WWOX: variants seen among roughly 807,000 people sequenced by gnomAD.
The protein encoded by WWOX is WW domain-containing oxidoreductase.
WWOX carries 69 observed loss-of-function variants against 46.2 expected under a neutral mutation model. The ratio of observed to expected loss-of-function variants is 1.49; its 90% confidence interval spans 1.23 to 1.82. The LOEUF (loss-of-function observed/expected upper bound fraction) is 1.82. Ranked by LOEUF, WWOX falls within the 40% of genes most tolerant of loss-of-function variation. The pLI, the probability that WWOX is intolerant of heterozygous loss-of-function variation, is 0.00. For synonymous variants in WWOX, 359 were observed against 202.6 expected, an observed-to-expected ratio of 1.77 and a Z score of -6.56; for missense variants, 919 against 542.6, an observed-to-expected ratio of 1.69 and a Z score of -6.89.
intron 8 of WWOX, among the ~76,000 whole-genome samples, chr16:78,621,227 C>T (rs928208676): frequency 6.6e-6 from 1 of 152,154 alleles, no homozygotes; most frequent in African/African-American, 2.4e-5. Flanking sequence ...ATAAGGCTGC[C>T]AAGCTCGGTG....
At chr16:79,210,848 G>A (rs1288793011) in intron 8 of WWOX, among the ~76,000 whole-genome samples, 1 of 152,166 alleles carries the variant, frequency 6.6e-6, no homozygotes, top group Non-Finnish European at 1.5e-5. Context: ...CTCAAAAGGT[G>A]AATGAAAGTG....
intron 8 of WWOX, among the ~76,000 whole-genome samples, chr16:78,884,077 A>G (rs2044400173): frequency 6.6e-6 from 1 of 151,976 alleles, no homozygotes; most frequent in South Asian, 2.1e-4. Flanking sequence ...CCGGGAGTTC[A>G]AGACCAGCTG....
At chr16:78,500,401 C>CTTCT (rs112162641) in intron 8 of WWOX, among the ~76,000 whole-genome samples, 136,550 of 151,330 alleles carry the variant, frequency 0.9, 62,211 homozygotes, top group Non-Finnish European at 0.97. Flanking sequence ...TCCTCCTTTT[C>CTTCT]TTCTTTCCTT....
intron 8 of WWOX, among the ~76,000 whole-genome samples, chr16:78,539,818 G>C (rs1028650270): frequency 1.1e-4 from 17 of 152,074 alleles, no homozygotes; most frequent in African/African-American, 9.7e-5. Flanking sequence ...TTTGATGCTG[G>C]GAATGCGTTC....
At chr16:78,557,802 TCTC>T (rs1295885018) in intron 8 of WWOX, among the ~76,000 whole-genome samples, 8 of 150,534 alleles carry the variant, frequency 5.3e-5, no homozygotes, top group African/African-American at 2.0e-4. Flanking sequence ...TTCAAACAAT[TCTC>T]CTACGTCAGC....
intron 8 of WWOX, among the ~76,000 whole-genome samples, chr16:78,942,688 C>T (rs1054342827): frequency 6.6e-6 from 1 of 152,140 alleles, no homozygotes; most frequent in Non-Finnish European, 1.5e-5. Flanking sequence ...CTAATGAGGA[C>T]CTTGAACTTA....
rs183364322 is a variant in WWOX at position 78,227,047 on chromosome 16, G to A, written c.516+62758G>A. On this transcript the variant is annotated intron_variant, in intron 5 of 8. Transcript: ENST00000566780. ...TTTACTTCTTTAGTTCACAATGCCA[G>A]TGGTTCAGCTTCCCGTTCTGATCCT... 2.1e-4 allele frequency among the ~76,000 whole-genome samples: 32 copies of A among 152,326 alleles called. No individual in the cohort carries two copies. The East Asian group carries it at 6.0e-3, about 28-fold the overall frequency.
At chr16:78,534,160 C>T (rs559262538) in intron 8 of WWOX, among the ~76,000 whole-genome samples, 2 of 152,126 alleles carry the variant, frequency 1.3e-5, no homozygotes, top group Non-Finnish European at 2.9e-5. Flanking sequence ...GTGTGGACAT[C>T]CTCGATGTAT....
chr16:78,608,450 G>A (rs1397862466), intron 8 of WWOX, among the ~76,000 whole-genome samples: 1 of 152,230 alleles, frequency 6.6e-6, no homozygotes. Context: ...CAGAGTGGAA[G>A]TTGCCTTATA....
At chr16:79,133,217 A>G (rs1288820461) in intron 8 of WWOX, among the ~76,000 whole-genome samples, 1 of 152,180 alleles carries the variant, frequency 6.6e-6, no homozygotes, top group African/African-American at 2.4e-5. Context: ...TATTGATCTA[A>G]TGAAACGCAT....
At chr16:78,735,874 G>T (rs910100185) in intron 8 of WWOX, among the ~76,000 whole-genome samples, 3 of 152,196 alleles carry the variant, frequency 2.0e-5, no homozygotes, top group Admixed American at 6.5e-5. Context: ...CCAGGGATCT[G>T]AGTCCCTTCT....
intron 8 of WWOX, among the ~76,000 whole-genome samples, chr16:79,109,189 C>T (rs190757867): frequency 6.6e-6 from 1 of 152,176 alleles, no homozygotes; most frequent in Non-Finnish European, 1.5e-5. Flanking sequence ...TCTGTGTAAA[C>T]TGTACTAAGC....
intron 8 of WWOX, among the ~76,000 whole-genome samples, chr16:79,146,019 A>G (rs1237816496): frequency 1.3e-5 from 2 of 152,194 alleles, no homozygotes; most frequent in East Asian, 1.9e-4. Flanking sequence ...GTGAATTAAG[A>G]TTATTTTCTA....
intron 8 of WWOX, among the ~76,000 whole-genome samples, chr16:79,094,070 G>C (rs917594043): frequency 6.6e-6 from 1 of 152,116 alleles, no homozygotes; most frequent in East Asian, 1.9e-4. Flanking sequence ...GCCAGATAAA[G>C]TGCCCACCTA....
intron 4 of WWOX, among the ~76,000 whole-genome samples, chr16:78,127,298 C>T (rs2033402483): frequency 6.6e-6 from 1 of 152,040 alleles, no homozygotes; most frequent in Non-Finnish European, 1.5e-5. Context: ...GAATGGGAGG[C>T]AAGAGGATCG....
intron 8 of WWOX, among the ~76,000 whole-genome samples, chr16:78,808,124 C>A (rs1188825088): frequency 1.3e-5 from 2 of 152,208 alleles, no homozygotes; most frequent in South Asian, 2.1e-4. Flanking sequence ...CCAGGACTCC[C>A]TGTAGTCAAC....
intron 6 of WWOX, among the ~76,000 whole-genome samples, chr16:78,395,303 G>C (rs1181801432): frequency 2.0e-5 from 3 of 152,186 alleles, no homozygotes; most frequent in Admixed American, 1.3e-4. Context: ...CAGGTTGCTT[G>C]AGTTCCGGAG....
chr16:78,244,755 A>T (rs1368515266), intron 5 of WWOX, among the ~76,000 whole-genome samples: 2 of 152,210 alleles, frequency 1.3e-5, no homozygotes, highest in Admixed American at 6.5e-5. Context: ...GGAATGAAGT[A>T]GGCGGGCCCG....
intron 8 of WWOX, chr16:78,896,572 A>G (rs2044705119): frequency 6.6e-6 from 1 of 152,198 alleles, no homozygotes; most frequent in Non-Finnish European, 1.5e-5. Flanking sequence ...GACCTGGGAC[A>G]TATGACACTG....
Sources: gnomAD v4.1 joint callset for allele counts (sites outside exome capture counted in the v4.1 genomes callset) on GRCh38, gnomAD v4.1.1 for gene constraint, MANE v1.5 for transcripts, NCBI Gene and HGNC (gene_info 2026-07-23, HGNC 2026-07-21) for gene names.